The following CBLB variants were observed in gnomAD, a reference collection of about 807,000 sequenced individuals.
The protein encoded by CBLB is Cbl proto-oncogene B.
In CBLB, 31 loss-of-function variants were observed where a neutral mutation model predicts 104.9. The observed-to-expected ratio is 0.30, with a 90% CI of 0.22 to 0.40. CBLB has a LOEUF of 0.40. Ranked by LOEUF, CBLB falls within the 10% of genes least tolerant of loss-of-function variation. The pLI is 1.00. For synonymous variants in CBLB, 440 were observed against 422.6 expected (o/e 1.04, Z -0.51); for missense variants, 1,062 against 1,214.6 (o/e 0.87, Z 1.87).
At chr3:105,687,851 A>G (rs116341514) in intron 13 of CBLB, among the ~76,000 whole-genome samples, 2,900 of 151,978 alleles carry the variant, frequency 0.019, 41 homozygotes, top group Non-Finnish European at 0.025. Flanking sequence ...AAAAAATAAC[A>G]GAAGAGGATG....
chr3:105,770,723 T>G (rs891793745), intron 4 of CBLB, among the ~76,000 whole-genome samples: 25 of 152,142 alleles, frequency 1.6e-4, no homozygotes, highest in South Asian at 8.3e-4. Flanking sequence ...GGCAGCTTTC[T>G]ATGTGGAGAA....
chr3:105,659,825 A>G (rs1346126037), intron 18 of CBLB, among the ~76,000 whole-genome samples: 19 of 152,200 alleles, frequency 1.2e-4, no homozygotes, highest in Admixed American at 1.2e-3. Flanking sequence ...GAGAAAAAAA[A>G]AACAAAATAG....
upstream of CBLB, chr3:105,869,152 C>T: frequency 1.5e-6 from 1 of 653,800 alleles, no homozygotes; most frequent in Non-Finnish European, 2.3e-6. Flanking sequence ...GGCGCCCGTC[C>T]TCCTCGCGCT....
chr3:105,820,638 C>T (rs2085708569), intron 3 of CBLB, among the ~76,000 whole-genome samples: 1 of 152,072 alleles, frequency 6.6e-6, no homozygotes, highest in African/African-American at 2.4e-5. Context: ...AAACCCCTCC[C>T]ATAATTAAGT....
At chr3:105,788,533 C>T (rs145694914) in intron 3 of CBLB, among the ~76,000 whole-genome samples, 26 of 152,228 alleles carry the variant, frequency 1.7e-4, no homozygotes, top group East Asian at 9.7e-4. Flanking sequence ...GGCCAGGTCA[C>T]GGGTTGGACA....
chr3:105,766,484 C>G (rs1029936567), intron 4 of CBLB, among the ~76,000 whole-genome samples: 7 of 152,300 alleles, frequency 4.6e-5, no homozygotes, highest in African/African-American at 1.7e-4. Context: ...GTAAACTTCA[C>G]TGCTGCCTAA....
At chr3:105,733,899 A>G (rs2074615762) in intron 9 of CBLB, 110 bp downstream of exon 9, 2 of 959,358 alleles carry the variant, frequency 2.1e-6, no homozygotes, top group Non-Finnish European at 1.6e-6. Flanking sequence ...TTACACAATC[A>G]TTTCAAACAA....
At chr3:105,753,833 G>A (rs559753257) in intron 4 of CBLB, among the ~76,000 whole-genome samples, 1 of 152,198 alleles carries the variant, frequency 6.6e-6, no homozygotes, top group South Asian at 2.1e-4. Flanking sequence ...TGATTTCCCA[G>A]AGCCAGTTAT....
chr3:105,835,129 G>A (rs2088250516), intron 3 of CBLB, among the ~76,000 whole-genome samples: 1 of 152,070 alleles, frequency 6.6e-6, no homozygotes, highest in African/African-American at 2.4e-5. Context: ...GGTTCTTGAG[G>A]ATTCTTTTCA....
At chr3:105,842,996 C>G (rs1213534056) in intron 3 of CBLB, among the ~76,000 whole-genome samples, 1 of 152,144 alleles carries the variant, frequency 6.6e-6, no homozygotes, top group Non-Finnish European at 1.5e-5. Flanking sequence ...GAAGGACCAC[C>G]CAATGGTCAA....
chr3:105,857,364 T>C (rs941094141), intron 2 of CBLB, among the ~76,000 whole-genome samples: 3 of 152,202 alleles, frequency 2.0e-5, no homozygotes, highest in Non-Finnish European at 4.4e-5. Context: ...TAGGAAATTA[T>C]AGATGACTAG....
At chr3:105,798,935 CTAAT>C (rs1344565462) in intron 3 of CBLB, among the ~76,000 whole-genome samples, 1 of 151,998 alleles carries the variant, frequency 6.6e-6, no homozygotes, top group African/African-American at 2.4e-5. Flanking sequence ...CAAAAGGTGA[CTAAT>C]TAAGTTGGAC....
intron 11 of CBLB, among the ~76,000 whole-genome samples, chr3:105,703,038 C>T (rs1045390951): frequency 2.0e-5 from 3 of 152,120 alleles, no homozygotes; most frequent in African/African-American, 7.2e-5. Context: ...TATGGAATTA[C>T]TTCAATTTTA....
chr3:105,712,328 A>C (rs1427203113), intron 10 of CBLB, among the ~76,000 whole-genome samples: 1 of 152,204 alleles, frequency 6.6e-6, no homozygotes, highest in Non-Finnish European at 1.5e-5. Context: ...GCTTTTAGAA[A>C]TGTGTCATGT....
chr3:105,725,363 T>C (rs1047162086), intron 9 of CBLB, among the ~76,000 whole-genome samples: 2 of 152,192 alleles, frequency 1.3e-5, no homozygotes, highest in South Asian at 2.1e-4. Flanking sequence ...AAACACTTTT[T>C]AAAAATGGTG....
rs765500205 is a variant in CBLB, at chr3:105,734,151, GGGA to G, written c.1072-14_1072-12del. On this transcript the variant is annotated splice_polypyrimidine_tract_variant and intron_variant, in intron 8 of 18. Coordinates refer to ENST00000394030, the MANE Select transcript of CBLB (RefSeq NM_170662.5). ...TAATTCATATTGTTCCTGGAATTTG[GGGA>G]GGAGGGAGAAAGTAATGTTAATGTA... The G allele has an allele frequency of 1.9e-6, 3 of 1,613,004 alleles. No homozygotes were observed. The highest frequency in any genetic ancestry group is 3.3e-5 in the Admixed American group (2 of 59,996).
At chr3:105,689,137 T>C (rs1051260706) in intron 13 of CBLB, among the ~76,000 whole-genome samples, 1 of 152,032 alleles carries the variant, frequency 6.6e-6, no homozygotes, top group African/African-American at 2.4e-5. Flanking sequence ...ATATACAATA[T>C]AGTTATTTGT....
intron 18 of CBLB, among the ~76,000 whole-genome samples, chr3:105,669,188 C>A (rs565040326): frequency 6.6e-6 from 1 of 152,236 alleles, no homozygotes; most frequent in African/African-American, 2.4e-5. Context: ...GAATGTCTGT[C>A]CCCTTTTCCC....
intron 17 of CBLB, chr3:105,672,904 A>C (rs2065216221): frequency 6.6e-6 from 1 of 152,144 alleles, no homozygotes; most frequent in Non-Finnish European, 1.5e-5. Context: ...TGCTCATGAC[A>C]TATTAACTGG....
Sources: gnomAD v4.1 joint callset for allele counts (sites outside exome capture counted in the v4.1 genomes callset) on GRCh38, gnomAD v4.1.1 for gene constraint, MANE v1.5 for transcripts, NCBI Gene and HGNC (gene_info 2026-07-23, HGNC 2026-07-21) for gene names.